FRY: variants seen among roughly 807,000 people sequenced by gnomAD.
The protein encoded by FRY is FRY microtubule binding protein.
Under a neutral mutation model 348.4 loss-of-function variants are expected in FRY, and 128 were observed. That is an observed-to-expected ratio of 0.37 (90% confidence interval 0.32 to 0.43). The LOEUF is 0.43. Among genes scored for constraint, FRY ranks in the 20% least tolerant of loss-of-function variants. The probability of loss-of-function intolerance (pLI) is 1.00; values close to 1 mark genes in which losing one functional copy is unlikely to be tolerated. For missense variants in FRY, 2,736 were observed against 3,695.2 expected (o/e 0.74, Z 6.73); for synonymous variants, 1,370 against 1,374.7 (o/e 1.00, Z 0.08).
Position 32,209,004 on chromosome 13 carries a change from C to T in FRY, c.4170C>T (p.Asp1390=), listed in dbSNP as rs200125090. Reference sequence around the variant, plus strand: ...GCAGCCCAGAGGACGAAGTCAAGGACCGGGAAGGTGACGTGACTGCTTCTC... The same window carrying T: ...GCAGCCCAGAGGACGAAGTCAAGGATCGGGAAGGTGACGTGACTGCTTCTC... ...SPSSPEDEVK[D]REGDVTASHG... Residue 1390 remains aspartate (D), a synonymous_variant, in exon 32 of 61, where the codon GAC becomes GAT. Coordinates refer to ENST00000542859, the MANE Select transcript of FRY (RefSeq NM_023037.3). 165 of 1,614,054 alleles carry T rather than the reference C, an allele frequency of 1.0e-4. No individual in the cohort carries two copies. The highest frequency in any genetic ancestry group is 1.3e-4 in the Non-Finnish European group (159 of 1,180,034).
At position 32,134,965 on chromosome 13, in the gene FRY, T is replaced by G; in HGVS notation, c.947T>G (p.Leu316Arg). 1 of 1,612,952 alleles carries G rather than the reference T, an allele frequency of 6.2e-7. No homozygotes were observed. Among genetic ancestry groups the G allele is most frequent in the African/African-American group, 1.3e-5 (1 of 75,020 alleles). The change falls in exon 9 of 61, where the codon CTT becomes CGT. Residue 316 changes from leucine (L) to arginine (R), a missense_variant. By Grantham distance (102) the Leu-to-Arg change is moderately radical. This residue lies in a region of FRY where 309 missense variants were observed against 418.1 expected (regional missense o/e 0.74). Transcript: ENST00000542859. ...DKDIKHALAG[L>R]FVEILVPVAA... is the part of the protein sequence containing the mutation. ...GATATCAAGCATGCCTTGGCTGGGCTTTTTGTTGAAATACTTGTTCCAGTT... is the reference window on the plus strand; with the variant it reads ...GATATCAAGCATGCCTTGGCTGGGCGTTTTGTTGAAATACTTGTTCCAGTT...
chr13:32,202,875 G>C (rs1884115526), intron 31 of FRY, among the ~76,000 whole-genome samples: 1 of 151,790 alleles, frequency 6.6e-6, no homozygotes, highest in African/African-American at 2.4e-5. Flanking sequence ...CTTGAACCCA[G>C]GAGGCAGAGT....
chr13:32,069,078 G>A (rs1874449696), intron 1 of FRY, among the ~76,000 whole-genome samples: 2 of 151,842 alleles, frequency 1.3e-5, no homozygotes, highest in African/African-American at 4.8e-5. Context: ...CACCACACCG[G>A]GCTAATTTTT....
At chr13:32,090,082 C>T (rs1028215343) in intron 2 of FRY, among the ~76,000 whole-genome samples, 3 of 151,814 alleles carry the variant, frequency 2.0e-5, no homozygotes, top group Non-Finnish European at 4.4e-5. Context: ...GGCGCTGTGG[C>T]TCATGCCTGT....
At chr13:32,268,505 AATATATAT>A (rs869298149) in intron 55 of FRY, among the ~76,000 whole-genome samples, 668 of 28,102 alleles carry the variant, frequency 0.024, 13 homozygotes, top group Middle Eastern at 0.056. Flanking sequence ...AAAAAAAAAA[AATATATAT>A]ATATATATAT....
rs764946155 is a variant in FRY at position 32,297,802 on chromosome 13, G to C, written c.*2342G>C. On this transcript the variant is annotated 3_prime_UTR_variant, in exon 61 of 61. Coordinates refer to ENST00000542859, the MANE Select transcript of FRY (RefSeq NM_023037.3). Reference sequence around the variant, plus strand: ...CATTAATGTTAATTGCCTTCCCCAGGGATACAAAGAAGTAGAAGTACCAAA... The same window carrying C: ...CATTAATGTTAATTGCCTTCCCCAGCGATACAAAGAAGTAGAAGTACCAAA... 4 of 151,956 alleles carry C rather than the reference G, an allele frequency of 2.6e-5. No individual in the cohort carries two copies. Among genetic ancestry groups the C allele is most frequent in the Non-Finnish European group, 5.9e-5 (4 of 68,002 alleles). The allele number at this position is 151,956 out of a possible 1,614,324, so 9.4% of individuals were successfully genotyped here.
At chr13:32,218,913 T>A in intron 36 of FRY, 82 bp downstream of exon 36, 1 of 805,842 alleles carries the variant, frequency 1.2e-6, no homozygotes, top group East Asian at 2.5e-5. Context: ...TTGTTCTTGG[T>A]CTGATTACTA....
chr13:32,051,202 T>G (rs1356076441), intron 1 of FRY, among the ~76,000 whole-genome samples: 1 of 152,222 alleles, frequency 6.6e-6, no homozygotes, highest in Non-Finnish European at 1.5e-5. Context: ...AATGACCGTT[T>G]CCCTTTTATT....
At chr13:32,226,457 G>C (rs1885588689) in intron 39 of FRY, among the ~76,000 whole-genome samples, 1 of 152,170 alleles carries the variant, frequency 6.6e-6, no homozygotes, top group African/African-American at 2.4e-5. Flanking sequence ...CCTGTTAAAA[G>C]CCATTGCTGT....
intron 14 of FRY, among the ~76,000 whole-genome samples, chr13:32,154,882 A>G (rs1360397293): frequency 6.6e-6 from 1 of 152,240 alleles, no homozygotes; most frequent in African/African-American, 2.4e-5. Context: ...AAGTTGTGCC[A>G]TACCTGAGCC....
chr13:32,056,058 G>T (rs388086), intron 1 of FRY, among the ~76,000 whole-genome samples: 68,845 of 151,672 alleles, frequency 0.45, 18,180 homozygotes, highest in Non-Finnish European at 0.57. Context: ...GGGTGTGGTG[G>T]CATGCGCCTG....
At chr13:32,187,717 T>A (rs1025279900) in intron 28 of FRY, 61 bp downstream of exon 28, 44 of 881,044 alleles carry the variant, frequency 5.0e-5, no homozygotes. Flanking sequence ...TCAGTTGAGT[T>A]ACTGAGATGT....
chr13:32,255,421 G>A (rs558190945), intron 51 of FRY, among the ~76,000 whole-genome samples: 1 of 152,238 alleles, frequency 6.6e-6, no homozygotes, highest in African/African-American at 2.4e-5. Context: ...TGACCAACCC[G>A]CCTATGTCTA....
chr13:32,196,043 G>A (rs146713702), intron 29 of FRY, among the ~76,000 whole-genome samples: 1 of 152,296 alleles, frequency 6.6e-6, no homozygotes, highest in Admixed American at 6.5e-5. Flanking sequence ...CAGTCATTGT[G>A]CTTGAGTTTG....
In FRY at chr13:32,244,074, G is replaced by A. The variant is rs1886650071; in HGVS notation, c.6720G>A (p.Gln2240=). 5.0e-6 allele frequency: 8 copies of A among 1,614,156 alleles called. No individual in the cohort carries two copies. The highest frequency in any genetic ancestry group is 5.1e-6 in the Non-Finnish European group (6 of 1,179,992). ...AGAAGGGCCTCCCTAGTGTGCAGCA[G>A]CCCCTGCTCCAGGTGATCTACAGTC... is the stretch of plus-strand genomic sequence containing the variant. ...LLEKGLPSVQ[Q]PLLQVIYSLL... is the part of the protein sequence containing the mutation. The change falls in exon 47 of 61, where the codon CAG becomes CAA. Residue 2240 remains glutamine (Q), a synonymous_variant. Transcript: ENST00000542859.
chr13:32,090,482 C>T (rs1333868011), intron 2 of FRY, among the ~76,000 whole-genome samples: 1 of 151,484 alleles, frequency 6.6e-6, no homozygotes, highest in Non-Finnish European at 1.5e-5. Flanking sequence ...GGGTGGAAGA[C>T]AGGGGTCACT....
chr13:32,224,752 A>G (rs536844433), intron 37 of FRY, among the ~76,000 whole-genome samples, 181 bp from the exon 38 acceptor site: 2 of 152,256 alleles, frequency 1.3e-5, no homozygotes, highest in Non-Finnish European at 2.9e-5. Flanking sequence ...AGCTCAACCA[A>G]TGTTTCTTAT....
chr13:32,048,316 T>G (rs1342840058), intron 1 of FRY, among the ~76,000 whole-genome samples: 1 of 152,180 alleles, frequency 6.6e-6, no homozygotes, highest in African/African-American at 2.4e-5. Context: ...GAACTCAGCA[T>G]CTAATCTTAG....
chr13:32,174,960 T>A (rs1162277321), intron 19 of FRY, among the ~76,000 whole-genome samples: 1 of 152,144 alleles, frequency 6.6e-6, no homozygotes, highest in Non-Finnish European at 1.5e-5. Flanking sequence ...TATAAATGAA[T>A]CCATTCATTT....
Sources: allele counts gnomAD v4.1 joint callset (sites outside exome capture counted in the v4.1 genomes callset), GRCh38; gene constraint gnomAD v4.1.1; regional missense constraint gnomAD v4.1.1; transcripts MANE v1.5; gene names NCBI Gene and HGNC (gene_info 2026-07-23, HGNC 2026-07-21).